Variants in KCNT2 observed in about 807,000 individuals in gnomAD.
KCNT2 encodes the protein potassium channel subfamily T member 2.
KCNT2 carries 67 observed loss-of-function variants against 153.8 expected under a neutral mutation model. The observed-to-expected ratio is 0.44, with a 90% CI of 0.36 to 0.53. The LOEUF (loss-of-function observed/expected upper bound fraction) is 0.53, where lower values mean the gene tolerates loss of function less well. Among genes scored for constraint, KCNT2 ranks in the 20% least tolerant of loss-of-function variants. The pLI, the probability that KCNT2 is intolerant of heterozygous loss-of-function variation, is 0.00. For synonymous variants in KCNT2, 500 were observed against 458.8 expected (o/e 1.09, Z -1.15); for missense variants, 975 against 1,354.8 (o/e 0.72, Z 4.40).
chr1:196,439,512 T>C (rs1394867806), intron 8 of KCNT2, among the ~76,000 whole-genome samples: 1 of 151,974 alleles, frequency 6.6e-6, no homozygotes, highest in Non-Finnish European at 1.5e-5. Context: ...TTGTTTTATG[T>C]GGTTTTCAAC....
chr1:196,315,188 T>G (rs1572009978), intron 21 of KCNT2, among the ~76,000 whole-genome samples: 1 of 151,710 alleles, frequency 6.6e-6, no homozygotes, highest in Non-Finnish European at 1.5e-5. Flanking sequence ...TCTTCAGGCT[T>G]CTGCAAAACT....
chr1:196,538,608 C>A (rs1572760583), intron 1 of KCNT2, among the ~76,000 whole-genome samples: 2 of 152,212 alleles, frequency 1.3e-5, no homozygotes, highest in Admixed American at 6.5e-5. Flanking sequence ...ACCTAATGCG[C>A]CTAACGTGGT....
intron 27 of KCNT2, among the ~76,000 whole-genome samples, chr1:196,235,208 CT>C (rs1425788388): frequency 6.6e-6 from 1 of 151,382 alleles, no homozygotes; most frequent in Non-Finnish European, 1.5e-5. Context: ...CACTGAAACA[CT>C]TTATGCAATT....
chr1:196,372,107 C>T (rs2148328703), intron 14 of KCNT2, among the ~76,000 whole-genome samples: 1 of 152,088 alleles, frequency 6.6e-6, no homozygotes, highest in East Asian at 1.9e-4. Context: ...AGATTAAAGG[C>T]TTGTAAGTAT....
intron 8 of KCNT2, among the ~76,000 whole-genome samples, chr1:196,430,401 TCTCTC>T (rs1226932234): frequency 1.3e-5 from 2 of 148,530 alleles, no homozygotes; most frequent in African/African-American, 5.2e-5. Flanking sequence ...TCTCTCTCTC[TCTCTC>T]TTTCTCTCTC....
intron 1 of KCNT2, among the ~76,000 whole-genome samples, chr1:196,539,824 T>C (rs1418653655): frequency 4.0e-5 from 6 of 151,528 alleles, no homozygotes; most frequent in African/African-American, 7.3e-5. Context: ...TATAATACAT[T>C]TAAGTAAAAG....
intron 26 of KCNT2, among the ~76,000 whole-genome samples, chr1:196,238,630 C>T (rs1397266561): frequency 6.6e-6 from 1 of 151,790 alleles, no homozygotes; most frequent in East Asian, 1.9e-4. Context: ...TACATTTTGC[C>T]TGCTTGTTCT....
chr1:196,605,720 T>C (rs1054877723), intron 1 of KCNT2, among the ~76,000 whole-genome samples: 1 of 152,060 alleles, frequency 6.6e-6, no homozygotes, highest in Non-Finnish European at 1.5e-5. Flanking sequence ...AAAGAGGAAT[T>C]TGTCACCATA....
chr1:196,239,258 TAA>T (rs1345654412), intron 26 of KCNT2, among the ~76,000 whole-genome samples: 5 of 151,912 alleles, frequency 3.3e-5, no homozygotes, highest in Admixed American at 6.6e-5. Context: ...AAAAAAATTA[TAA>T]GTTTAAATTA....
At chr1:196,249,063 C>A (rs1655704424) in intron 26 of KCNT2, among the ~76,000 whole-genome samples, 1 of 151,870 alleles carries the variant, frequency 6.6e-6, no homozygotes, top group Non-Finnish European at 1.5e-5. Context: ...ATGATCATTT[C>A]AATTGGTGCT....
At chr1:196,580,680 T>C (rs929037647) in intron 1 of KCNT2, among the ~76,000 whole-genome samples, 4 of 152,136 alleles carry the variant, frequency 2.6e-5, no homozygotes, top group Non-Finnish European at 5.9e-5. Context: ...ATAATTACTG[T>C]ATTGGAAGAA....
At chr1:196,381,718 C>A (rs1669505960) in intron 13 of KCNT2, among the ~76,000 whole-genome samples, 1 of 152,098 alleles carries the variant, frequency 6.6e-6, no homozygotes, top group Admixed American at 6.6e-5. Context: ...CACTTGCTAC[C>A]AGATGAACAA....
chr1:196,410,622 AACGAAAAATATCATTTTTATT>A (rs1286376308), intron 12 of KCNT2, among the ~76,000 whole-genome samples: 3 of 151,622 alleles, frequency 2.0e-5, no homozygotes, highest in African/African-American at 7.2e-5. Context: ...CTGCAGCACA[AACGAAAAATATCATTTTTATT>A]ACCATTAGTA....
At chr1:196,531,813 G>A (rs943684703) in intron 1 of KCNT2, among the ~76,000 whole-genome samples, 2 of 152,018 alleles carry the variant, frequency 1.3e-5, no homozygotes, top group Non-Finnish European at 2.9e-5. Flanking sequence ...GCAATTTAAT[G>A]TAATTACACT....
chr1:196,392,189 GT>G (rs902000651), intron 13 of KCNT2, among the ~76,000 whole-genome samples: 11 of 150,934 alleles, frequency 7.3e-5, no homozygotes, highest in African/African-American at 2.7e-4. Context: ...AGAGAATATG[GT>G]TTTTTTTAAT....
At chr1:196,336,479 T>C (rs1665047013) in intron 16 of KCNT2, among the ~76,000 whole-genome samples, 1 of 152,158 alleles carries the variant, frequency 6.6e-6, no homozygotes. Flanking sequence ...TATAATTATA[T>C]ACAATCTATT....
intron 1 of KCNT2, among the ~76,000 whole-genome samples, chr1:196,563,070 G>A (rs12072649): frequency 0.78 from 118,184 of 151,818 alleles, 49,523 homozygotes; most frequent in East Asian, 0.97. Flanking sequence ...ATTACTCTAC[G>A]CCTTCAACCT....
At position 196,333,847 on chromosome 1, in the gene KCNT2, T is replaced by G; in HGVS notation, c.1997A>C (p.Glu666Ala). 6.3e-7 allele frequency: 1 copy of G among 1,586,454 alleles called. No individual in the cohort carries two copies. The highest frequency in any genetic ancestry group is 2.2e-5 in the East Asian group (1 of 44,494). The change falls in exon 17 of 28, where the codon GAG (glutamate) becomes GCG (alanine). Residue 666 changes from glutamate to alanine, a missense_variant and splice_region_variant. This residue lies in a region of KCNT2 where 325 missense variants were observed against 388.1 expected (regional missense o/e 0.84). Transcript: ENST00000294725. ...TPDEEMSSNL[E>A]YAKGYPPYSP... ...TACACCTTAGAGTATCTGAACATAC[T>G]CTAAGTTTGAAGACATTTCTTCATC...
At chr1:196,423,219 G>GGTC in intron 11 of KCNT2, 106 bp from the exon 12 acceptor site, 1 of 618,062 alleles carries the variant, frequency 1.6e-6, no homozygotes, top group Non-Finnish European at 2.8e-6. Flanking sequence ...AAATGTACAT[G>GGTC]TAGACCATGT....
Sources: allele counts gnomAD v4.1 joint callset (sites outside exome capture counted in the v4.1 genomes callset), GRCh38; gene constraint gnomAD v4.1.1; regional missense constraint gnomAD v4.1.1; transcripts MANE v1.5; gene names NCBI Gene and HGNC (gene_info 2026-07-23, HGNC 2026-07-21).